DGKG: variants seen among roughly 807,000 people sequenced by gnomAD.
DGKG encodes diacylglycerol kinase gamma, also known as DAG kinase gamma.
A neutral mutation model predicts 105.3 loss-of-function variants in DGKG; 78 were observed. The observed-to-expected ratio is 0.74, with a 90% confidence interval of 0.62 to 0.89. DGKG has a LOEUF of 0.89. Ranked by LOEUF, DGKG falls within the 40% of genes least tolerant of loss-of-function variation. DGKG has a pLI of 0.00. For synonymous variants in DGKG, 346 were observed against 367.1 expected (o/e 0.94, Z 0.66); for missense variants, 958 against 1,020.1 (o/e 0.94, Z 0.83).
intron 19 of DGKG, among the ~76,000 whole-genome samples, chr3:186,249,008 G>A (rs913152337): frequency 6.6e-6 from 1 of 152,130 alleles, no homozygotes; most frequent in South Asian, 2.1e-4. Flanking sequence ...GGAAGCCCAC[G>A]CTCCAGAACC....
intron 1 of DGKG, among the ~76,000 whole-genome samples, chr3:186,359,273 A>G (rs1212749333): frequency 6.6e-6 from 1 of 152,154 alleles, no homozygotes; most frequent in Admixed American, 6.5e-5. Context: ...CTGGTGATCT[A>G]TTTCTAGGCA....
chr3:186,257,518 C>A (rs1721537200), intron 17 of DGKG, among the ~76,000 whole-genome samples: 1 of 152,146 alleles, frequency 6.6e-6, no homozygotes, highest in Non-Finnish European at 1.5e-5. Context: ...CTTTACCAAC[C>A]CCAAAGGGTC....
chr3:186,300,931 T>A (rs1245460972), intron 3 of DGKG, among the ~76,000 whole-genome samples: 4 of 152,230 alleles, frequency 2.6e-5, no homozygotes, highest in Non-Finnish European at 5.9e-5. Context: ...ACTAGAAGAT[T>A]TCAAGTTCTA....
chr3:186,291,742 G>A (rs907323342), intron 5 of DGKG, among the ~76,000 whole-genome samples: 11 of 152,024 alleles, frequency 7.2e-5, no homozygotes, highest in Non-Finnish European at 1.3e-4. Context: ...TGAAGGGTGG[G>A]CGGGTAAGGA....
intron 5 of DGKG, among the ~76,000 whole-genome samples, chr3:186,290,393 A>G (rs930832971): frequency 6.6e-6 from 1 of 152,208 alleles, no homozygotes; most frequent in Non-Finnish European, 1.5e-5. Context: ...ACCCAAAGTT[A>G]TTGCTAGGTC....
At chr3:186,191,148 C>T (rs1045925999) in intron 21 of DGKG, among the ~76,000 whole-genome samples, 15 of 152,150 alleles carry the variant, frequency 9.9e-5, no homozygotes, top group African/African-American at 2.9e-4. Context: ...CTCAATCCTG[C>T]GTTCTTTCCA....
intron 1 of DGKG, among the ~76,000 whole-genome samples, chr3:186,343,178 C>G (rs1726166103): frequency 6.6e-6 from 1 of 152,204 alleles, no homozygotes; most frequent in Non-Finnish European, 1.5e-5. Context: ...CGAGGATTAC[C>G]AGAACCTCCA....
At chr3:186,271,247 G>A (rs1010521735) in intron 11 of DGKG, among the ~76,000 whole-genome samples, 6 of 152,106 alleles carry the variant, frequency 3.9e-5, no homozygotes, top group African/African-American at 7.2e-5. Flanking sequence ...CCCAATGACC[G>A]AGTTAGAAAC....
chr3:186,276,277 TG>T (rs1722585494), intron 9 of DGKG, among the ~76,000 whole-genome samples: 1 of 152,228 alleles, frequency 6.6e-6, no homozygotes, highest in Non-Finnish European at 1.5e-5. Flanking sequence ...CATGGGAATG[TG>T]CTCATGATAC....
chr3:186,170,133 G>A (rs547668651), intron 22 of DGKG, among the ~76,000 whole-genome samples: 37 of 152,156 alleles, frequency 2.4e-4, no homozygotes, highest in Non-Finnish European at 2.6e-4. Context: ...TTTGCTGAGC[G>A]TTAGAATGAC....
Position 186,149,522 on chromosome 3 carries a change from G to A in DGKG, c.*568C>T, listed in dbSNP as rs546409045. On this transcript the variant is annotated 3_prime_UTR_variant, in exon 25 of 25. Coordinates refer to ENST00000265022, the MANE Select transcript of DGKG (RefSeq NM_001346.3). ...CTTTCTGCCTCTTCAGCAGGTTCAC[G>A]GAGAAGTTGTCACTCAAAGGACGAC... is the stretch of plus-strand genomic sequence containing the variant. 1.1e-5 allele frequency: 11 copies of A among 985,470 alleles called. No homozygotes were observed. The South Asian group carries it at 1.9e-4, about 17-fold the overall frequency. 61.0% of individuals were successfully genotyped at this position (985,470 alleles called of 1,614,324 possible). A position where few individuals can be genotyped will look rare whatever the true frequency, so the allele number is the denominator to read the frequency against.
At chr3:186,194,404 C>T (rs1445289413) in intron 21 of DGKG, among the ~76,000 whole-genome samples, 1 of 152,262 alleles carries the variant, frequency 6.6e-6, no homozygotes. Flanking sequence ...CGCCCTCCTT[C>T]TCTCCTGCGC....
At chr3:186,217,959 T>C (rs967649161) in intron 20 of DGKG, among the ~76,000 whole-genome samples, 3 of 152,230 alleles carry the variant, frequency 2.0e-5, no homozygotes, top group African/African-American at 7.2e-5. Flanking sequence ...AATCAGGTTC[T>C]CTGAGTGACT....
At chr3:186,296,141 A>G (rs1186297759) in intron 5 of DGKG, among the ~76,000 whole-genome samples, 1 of 152,044 alleles carries the variant, frequency 6.6e-6, no homozygotes, top group Non-Finnish European at 1.5e-5. Context: ...AGAATAAAGT[A>G]TACTTCTGGA....
chr3:186,329,948 C>A (rs913311696), intron 1 of DGKG, among the ~76,000 whole-genome samples: 1 of 152,168 alleles, frequency 6.6e-6, no homozygotes, highest in South Asian at 2.1e-4. Context: ...GTCTGCTTTG[C>A]ACCTCTAGCT....
At chr3:186,217,249 T>C (rs561461240) in intron 20 of DGKG, among the ~76,000 whole-genome samples, 1 of 152,366 alleles carries the variant, frequency 6.6e-6, no homozygotes. Context: ...TCTCTCTTCC[T>C]GAGTAGTCTT....
chr3:186,185,897 G>C (rs1031182253), intron 22 of DGKG, among the ~76,000 whole-genome samples: 6 of 151,986 alleles, frequency 3.9e-5, no homozygotes, highest in Non-Finnish European at 4.4e-5. Flanking sequence ...AGGAGTTTGA[G>C]ACCAGCCTGG....
intron 21 of DGKG, among the ~76,000 whole-genome samples, chr3:186,208,343 C>T (rs530567040): frequency 1.7e-4 from 26 of 151,810 alleles, no homozygotes; most frequent in African/African-American, 4.3e-4. Flanking sequence ...CGCCTCGCCA[C>T]GCGAATGGCT....
chr3:186,331,629 G>T (rs1348347781), intron 1 of DGKG, among the ~76,000 whole-genome samples: 1 of 152,212 alleles, frequency 6.6e-6, no homozygotes, highest in Non-Finnish European at 1.5e-5. Flanking sequence ...GGAGCTGGGA[G>T]TGGCTGGTAC....
Sources: gnomAD v4.1 joint callset for allele counts (sites outside exome capture counted in the v4.1 genomes callset) on GRCh38, gnomAD v4.1.1 for gene constraint, MANE v1.5 for transcripts, NCBI Gene and HGNC (gene_info 2026-07-23, HGNC 2026-07-21) for gene names.